The following CYP2C18 variants were observed in gnomAD, a reference collection of about 807,000 sequenced individuals.
CYP2C18 encodes cytochrome P450 2C18.
A neutral mutation model predicts 41.3 loss-of-function variants in CYP2C18; 38 were observed. That is an observed-to-expected ratio of 0.92 (90% CI 0.71 to 1.21). CYP2C18 has a LOEUF of 1.21. Among genes scored for constraint, CYP2C18 ranks in the 50% most tolerant of loss-of-function variants. CYP2C18 has a pLI of 0.00. For missense variants in CYP2C18, 635 were observed against 591.4 expected (o/e 1.07, Z -0.77); for synonymous variants, 236 against 210.0 (o/e 1.12, Z -1.07).
chr10:94,718,656 G>A (rs778194592), intron 5 of CYP2C18, among the ~76,000 whole-genome samples: 17 of 152,016 alleles, frequency 1.1e-4, no homozygotes, highest in Non-Finnish European at 2.1e-4. Context: ...ATGCTAACAA[G>A]TCTCATCCAG....
chr10:94,707,443 G>A (rs980390163), intron 5 of CYP2C18, among the ~76,000 whole-genome samples: 2 of 152,100 alleles, frequency 1.3e-5, no homozygotes, highest in Non-Finnish European at 2.9e-5. Flanking sequence ...AGATGGAAAA[G>A]GGAGGCCTTA....
At chr10:94,705,711 C>T (rs1021089085) in intron 4 of CYP2C18, among the ~76,000 whole-genome samples, 63 of 152,148 alleles carry the variant, frequency 4.1e-4, no homozygotes, top group African/African-American at 1.3e-3. Flanking sequence ...GCCAATTTTG[C>T]GGGCATTATT....
chr10:94,721,490 C>A (rs1847644059), intron 6 of CYP2C18, among the ~76,000 whole-genome samples: 1 of 151,800 alleles, frequency 6.6e-6, no homozygotes, highest in Non-Finnish European at 1.5e-5. Context: ...CTTAGGGGTA[C>A]AAGTGCAATT....
intron 3 of CYP2C18, among the ~76,000 whole-genome samples, chr10:94,693,236 C>T (rs781607011): frequency 3.9e-5 from 6 of 152,098 alleles, no homozygotes; most frequent in Non-Finnish European, 7.4e-5. Flanking sequence ...GTGGATTTTT[C>T]ATGAATAGTT....
chr10:94,707,805 A>G (rs1307153132), intron 5 of CYP2C18, among the ~76,000 whole-genome samples: 5 of 152,186 alleles, frequency 3.3e-5, no homozygotes, highest in African/African-American at 4.8e-5. Context: ...ATCAGATAGG[A>G]GCCAAATGAT....
chr10:94,733,689 T>C (rs960113347), intron 8 of CYP2C18: 19 of 700,380 alleles, frequency 2.7e-5, no homozygotes, highest in South Asian at 6.7e-5. Flanking sequence ...TAATTCTGCC[T>C]CTAGATACAT....
chr10:94,698,853 C>T (rs1240207526), intron 4 of CYP2C18, among the ~76,000 whole-genome samples: 1 of 152,204 alleles, frequency 6.6e-6, no homozygotes, highest in Non-Finnish European at 1.5e-5. Context: ...ACAAACACCT[C>T]TATGCAAATA....
At chr10:94,728,588 C>G (rs900879832) in intron 7 of CYP2C18, 4 of 952,794 alleles carry the variant, frequency 4.2e-6, no homozygotes, top group Admixed American at 6.2e-5. Context: ...AGTTCCCCCA[C>G]GTGTTTTAAC....
At chr10:94,712,008 A>ATTTTTTTGTTTTTTTTTTT (rs1847444230) in intron 5 of CYP2C18, among the ~76,000 whole-genome samples, 1 of 97,874 alleles carries the variant, frequency 1.0e-5, no homozygotes. Flanking sequence ...TGCCCAACTA[A>ATTTTTTTGTTTTTTTTTTT]TTTTTTTTTT....
Position 94,720,454 on chromosome 10 carries a change from A to G in CYP2C18, c.878A>G (p.Asp293Gly). Residue 293 changes from aspartate to glycine, a missense_variant, in exon 6 of 9, where the codon GAT becomes GGT. Physicochemically the swap from Asp to Gly is moderately conservative, Grantham distance 94 (BLOSUM62 -1). Transcript: ENST00000285979. ...GAAAGCTTGATAGCCACTGTAACTG[A>G]TATGTTTGGGGCTGGAACAGAGACA... ...TVESLIATVT[D>G]MFGAGTETTS... 1 of 1,613,032 alleles carries G rather than the reference A, an allele frequency of 6.2e-7. No individual in the cohort carries two copies. The highest frequency in any genetic ancestry group is 1.3e-5 in the African/African-American group (1 of 74,978).
chr10:94,733,845 G>T (rs1044485043), intron 8 of CYP2C18, among the ~76,000 whole-genome samples: 1 of 152,056 alleles, frequency 6.6e-6, no homozygotes, highest in African/African-American at 2.4e-5. Flanking sequence ...GGAGATACAA[G>T]TATCTGAGAG....
intron 5 of CYP2C18, among the ~76,000 whole-genome samples, chr10:94,718,492 C>T (rs991656568): frequency 6.6e-6 from 1 of 152,044 alleles, no homozygotes; most frequent in African/African-American, 2.4e-5. Flanking sequence ...AATTGAAGTA[C>T]TGAGAGTGGG....
intron 7 of CYP2C18, among the ~76,000 whole-genome samples, chr10:94,731,108 C>T (rs577673687): frequency 3.5e-4 from 54 of 152,144 alleles, no homozygotes; most frequent in African/African-American, 1.2e-3. Flanking sequence ...GGGCCAGGTG[C>T]GGTGGCTCAT....
chr10:94,702,863 A>G (rs920526705), intron 4 of CYP2C18, among the ~76,000 whole-genome samples: 5 of 152,036 alleles, frequency 3.3e-5, no homozygotes, highest in African/African-American at 1.2e-4. Context: ...CCTCATCTTC[A>G]TGGATTTATC....
chr10:94,727,612 C>T (rs564010265), intron 7 of CYP2C18, among the ~76,000 whole-genome samples: 53 of 148,110 alleles, frequency 3.6e-4, no homozygotes, highest in African/African-American at 1.3e-3. Context: ...AAGGCCCTGT[C>T]TCAAAAAAAA....
At chr10:94,732,693 G>C (rs1847853701) in intron 7 of CYP2C18, among the ~76,000 whole-genome samples, 1 of 151,570 alleles carries the variant, frequency 6.6e-6, no homozygotes, top group African/African-American at 2.4e-5. Context: ...CAGCTGGAGT[G>C]AATTAACGCA....
chr10:94,725,048 T>C (rs1340657316), intron 7 of CYP2C18, among the ~76,000 whole-genome samples: 1 of 148,960 alleles, frequency 6.7e-6, no homozygotes, highest in Admixed American at 6.7e-5. Context: ...TATTTCTATG[T>C]AATTGTAAGT....
intron 4 of CYP2C18, among the ~76,000 whole-genome samples, chr10:94,700,584 A>G (rs1847218619): frequency 6.6e-6 from 1 of 152,236 alleles, no homozygotes; most frequent in Non-Finnish European, 1.5e-5. Flanking sequence ...CATGTCTGGA[A>G]TACCAAAAGC....
intron 7 of CYP2C18, among the ~76,000 whole-genome samples, chr10:94,731,095 A>G (rs1419274453): frequency 1.3e-5 from 2 of 152,160 alleles, no homozygotes; most frequent in African/African-American, 4.8e-5. Flanking sequence ...AAATGGCCAT[A>G]CTGGGCCAGG....
Sources: allele counts gnomAD v4.1 joint callset (sites outside exome capture counted in the v4.1 genomes callset), GRCh38; gene constraint gnomAD v4.1.1; transcripts MANE v1.5; gene names NCBI Gene and HGNC (gene_info 2026-07-23, HGNC 2026-07-21).